The following CHRNA7 variants were observed in gnomAD, a reference collection of about 807,000 sequenced individuals.
The protein encoded by CHRNA7 is cholinergic receptor nicotinic alpha 7 subunit, also known as neuronal acetylcholine receptor subunit alpha-7.
A neutral mutation model predicts 48.0 loss-of-function variants in CHRNA7; 17 were observed. The observed-to-expected ratio is 0.35, with a 90% confidence interval of 0.24 to 0.53. CHRNA7 has a LOEUF of 0.53. Among genes scored for constraint, CHRNA7 ranks in the 20% least tolerant of loss-of-function variants. CHRNA7 has a pLI of 0.92. For missense variants in CHRNA7, 155 were observed against 577.7 expected (o/e 0.27, Z 7.50); for synonymous variants, 75 against 242.3 (o/e 0.31, Z 6.41).
At chr15:32,152,312 A>G (rs1361001514) in intron 4 of CHRNA7, among the ~76,000 whole-genome samples, 1 of 152,170 alleles carries the variant, frequency 6.6e-6, no homozygotes, top group Non-Finnish European at 1.5e-5. Flanking sequence ...GAGTGGTGGC[A>G]CGCACCTGTA....
intron 2 of CHRNA7, among the ~76,000 whole-genome samples, chr15:32,042,543 A>G (rs2049467569): frequency 6.6e-6 from 1 of 152,170 alleles, no homozygotes; most frequent in African/African-American, 2.4e-5. Flanking sequence ...CTATGATTGA[A>G]TCCTTTTGGA....
chr15:32,151,913 G>C (rs961962542), intron 4 of CHRNA7, among the ~76,000 whole-genome samples: 1 of 152,188 alleles, frequency 6.6e-6, no homozygotes, highest in African/African-American at 2.4e-5. Flanking sequence ...GCTGCCTGAG[G>C]CTCTGTAGTC....
At chr15:32,131,621 T>C (rs1195939704) in intron 4 of CHRNA7, among the ~76,000 whole-genome samples, 2 of 152,244 alleles carry the variant, frequency 1.3e-5, no homozygotes, top group East Asian at 1.9e-4. Context: ...ATTATTATGA[T>C]TGAGGTTTTA....
intron 5 of CHRNA7, 132 bp downstream of exon 5, chr15:32,154,118 CTCTCT>C (rs2051692997): frequency 3.3e-6 from 1 of 299,420 alleles, no homozygotes; most frequent in East Asian, 6.0e-5. Flanking sequence ...ACCTCTTCCT[CTCTCT>C]TCTCTTCTGT....
At chr15:32,094,355 T>C (rs1286780835) in intron 2 of CHRNA7, among the ~76,000 whole-genome samples, 5 of 152,250 alleles carry the variant, frequency 3.3e-5, no homozygotes, top group Non-Finnish European at 7.3e-5. Flanking sequence ...AGCCTTAATT[T>C]TCAGTGGGAA....
intron 2 of CHRNA7, among the ~76,000 whole-genome samples, chr15:32,078,952 C>T (rs1356870910): frequency 1.3e-5 from 2 of 152,174 alleles, no homozygotes; most frequent in Admixed American, 6.5e-5. Flanking sequence ...GCTTATCCAC[C>T]ATGATCAAGT....
chr15:32,050,510 A>C (rs375004971), intron 2 of CHRNA7, among the ~76,000 whole-genome samples: 15 of 152,090 alleles, frequency 9.9e-5, no homozygotes, highest in East Asian at 5.8e-4. Flanking sequence ...CTCCTTTAAG[A>C]ACTTCTCTGT....
Position 32,166,210 on chromosome 15 carries a change from TTGG to T in CHRNA7, c.991-1728_991-1726del, listed in dbSNP as rs368256004. 82 of 152,272 alleles carry T rather than the reference TTGG, an allele frequency of 5.4e-4. No homozygotes were observed. The East Asian group carries it at 0.015, about 28-fold the overall frequency. 9.4% of individuals were successfully genotyped at this position (152,272 alleles called of 1,614,324 possible). ...ATTAGCCTCTTTGAACCTCAGTTTGTTGGTCTGTAAAGTGAGGGGATTATACTC... is the reference window on the plus strand; with the variant it reads ...ATTAGCCTCTTTGAACCTCAGTTTGTTCTGTAAAGTGAGGGGATTATACTC... On this transcript the variant is annotated intron_variant, in intron 9 of 9. Coordinates refer to ENST00000306901, the MANE Select transcript of CHRNA7 (RefSeq NM_000746.6).
intron 2 of CHRNA7, among the ~76,000 whole-genome samples, chr15:32,054,426 T>C (rs923845447): frequency 1.4e-4 from 21 of 152,120 alleles, no homozygotes; most frequent in African/African-American, 5.1e-4. Flanking sequence ...CACATCTTAT[T>C]TTGGAAGTTA....
At chr15:32,166,429 T>C (rs1423502583) in intron 9 of CHRNA7, 2 of 152,282 alleles carry the variant, frequency 1.3e-5, no homozygotes, top group Admixed American at 6.5e-5. Context: ...TAAAGTACAA[T>C]GGGAAACAAA....
chr15:32,050,078 G>C (rs1346697255), intron 2 of CHRNA7, among the ~76,000 whole-genome samples: 1 of 151,982 alleles, frequency 6.6e-6, no homozygotes, highest in Non-Finnish European at 1.5e-5. Context: ...TGCCCTTAAC[G>C]TTTTTTCTTT....
intron 2 of CHRNA7, among the ~76,000 whole-genome samples, chr15:32,084,436 G>A (rs977149811): frequency 6.6e-6 from 1 of 152,174 alleles, no homozygotes; most frequent in South Asian, 2.1e-4. Flanking sequence ...CTGACTGGGC[G>A]GCAATGTGCA....
At chr15:32,088,024 A>T (rs2050326211) in intron 2 of CHRNA7, among the ~76,000 whole-genome samples, 1 of 152,194 alleles carries the variant, frequency 6.6e-6, no homozygotes, top group Admixed American at 6.5e-5. Flanking sequence ...GACAATGCTT[A>T]ATGTCTTGTA....
intron 3 of CHRNA7, chr15:32,101,580 A>G: frequency 2.0e-6 from 1 of 509,328 alleles, no homozygotes; most frequent in Non-Finnish European, 3.4e-6. Flanking sequence ...ACATAGGACA[A>G]GGTAATGTGG....
At chr15:32,133,447 C>T (rs989324126) in intron 4 of CHRNA7, among the ~76,000 whole-genome samples, 4 of 152,170 alleles carry the variant, frequency 2.6e-5, no homozygotes, top group African/African-American at 9.7e-5. Context: ...GGAGTTCAGT[C>T]AACCATCCTG....
intron 4 of CHRNA7, among the ~76,000 whole-genome samples, chr15:32,112,976 G>A (rs550028438): frequency 4.6e-5 from 7 of 152,204 alleles, no homozygotes; most frequent in African/African-American, 1.2e-4. Flanking sequence ...TTTGAAAAAC[G>A]TCTAAAATAG....
intron 2 of CHRNA7, among the ~76,000 whole-genome samples, chr15:32,092,735 T>C (rs944963293): frequency 6.6e-6 from 1 of 152,196 alleles, no homozygotes; most frequent in Non-Finnish European, 1.5e-5. Flanking sequence ...GAAAAATAAA[T>C]GACTGCTTCT....
At chr15:32,101,484 G>A (rs530110915) in intron 3 of CHRNA7, 137 bp downstream of exon 3, 40 of 869,150 alleles carry the variant, frequency 4.6e-5, no homozygotes, top group Non-Finnish European at 5.4e-5. Flanking sequence ...GGCCATGGCT[G>A]TCACACCAAC....
intron 4 of CHRNA7, among the ~76,000 whole-genome samples, chr15:32,125,018 A>G (rs2051040575): frequency 6.6e-6 from 1 of 152,214 alleles, no homozygotes; most frequent in African/African-American, 2.4e-5. Flanking sequence ...GACAACAGCT[A>G]TCACTGCTTT....
Sources: allele counts gnomAD v4.1 joint callset (sites outside exome capture counted in the v4.1 genomes callset), GRCh38; gene constraint gnomAD v4.1.1; transcripts MANE v1.5; gene names NCBI Gene and HGNC (gene_info 2026-07-23, HGNC 2026-07-21).